Variants in DLL3 observed in about 807,000 individuals in gnomAD.
The protein encoded by DLL3 is delta-like protein 3.
A neutral mutation model predicts 55.0 loss-of-function variants in DLL3; 49 were observed. That is an observed-to-expected ratio of 0.89 (90% CI 0.71 to 1.13). DLL3 has a LOEUF of 1.13. Ranked by LOEUF, DLL3 falls within the 50% of genes most tolerant of loss-of-function variation. The pLI, the probability that DLL3 is intolerant of heterozygous loss-of-function variation, is 0.00. For synonymous variants in DLL3, 421 were observed against 385.2 expected (o/e 1.09, Z -1.09); for missense variants, 962 against 875.5 (o/e 1.10, Z -1.25).
intron 8 of DLL3, 29 bp from the exon 9 acceptor site, chr19:39,508,223 C>G: frequency 6.2e-7 from 1 of 1,614,034 alleles, no homozygotes; most frequent in Non-Finnish European, 8.5e-7. Context: ...GGCAGCCTCT[C>G]TAATGCTTCC....
At chr19:39,508,164 A>G in intron 8 of DLL3, 88 bp from the exon 9 acceptor site, 1 of 1,614,150 alleles carries the variant, frequency 6.2e-7, no homozygotes, top group Non-Finnish European at 8.5e-7. Context: ...CGACTCCGCC[A>G]GAGCTTTTCC....
chr19:39,499,754 C>T (rs1394116084), intron 2 of DLL3, among the ~76,000 whole-genome samples: 2 of 152,106 alleles, frequency 1.3e-5, no homozygotes, highest in Non-Finnish European at 2.9e-5. Flanking sequence ...ACTCAAGGAA[C>T]CCTACCTCTG....
chr19:39,504,331 C>T (rs763080856), intron 5 of DLL3, 43 bp downstream of exon 5: 5 of 1,601,022 alleles, frequency 3.1e-6, no homozygotes, highest in Non-Finnish European at 3.4e-6. Context: ...AGTACTTTAC[C>T]CTGGGAGCCA....
At position 39,507,097 on chromosome 19, in the gene DLL3, G is replaced by C. The variant is rs115456333; in HGVS notation, c.1152G>C (p.Ala384=). Residue 384 remains alanine (A), a synonymous_variant, in exon 7 of 9, where the codon GCG becomes GCC. Transcript: ENST00000356433. ...GCTGCCGCTGCCGCGCCGGCTTCGC[G>C]GGTCCTCGCTGCGAGCACGACCTGG... ...ALRCRCRAGF[A]GPRCEHDLDD... is the part of the protein sequence containing the mutation. 7.8e-6 allele frequency: 12 copies of C among 1,543,402 alleles called. No individual in the cohort carries two copies. The South Asian group carries it at 1.1e-4, about 14-fold the overall frequency.
At chr19:39,499,171 C>A in intron 1 of DLL3, 21 bp from the exon 2 acceptor site, 1 of 1,591,056 alleles carries the variant, frequency 6.3e-7, no homozygotes, top group East Asian at 2.3e-5. Context: ...CCGCCTCACC[C>A]TGCGCCCGTC....
chr19:39,502,214 T>A (rs542541937), intron 3 of DLL3, among the ~76,000 whole-genome samples: 63 of 151,756 alleles, frequency 4.2e-4, no homozygotes, highest in Non-Finnish European at 7.1e-4. Context: ...AAAACAAATA[T>A]CTGGGTCAAA....
Position 39,507,866 on chromosome 19 carries a change from C to T in DLL3, c.1710C>T (p.Asp570=). 1 of 1,614,138 alleles carries T rather than the reference C, an allele frequency of 6.2e-7. No homozygotes were observed. Among genetic ancestry groups the T allele is most frequent in the Non-Finnish European group, 8.5e-7 (1 of 1,180,024 alleles). The stretch of plus-strand genomic sequence containing the variant: ...ATTGGAATCGCCCTGAAGATGTAGA[C>T]CCTCAAGGGATTTATGTCATATCTG... ...SVDWNRPEDV[D]PQGIYVISAP... is the part of the protein sequence containing the mutation. Residue 570 remains aspartate, a synonymous_variant, in exon 8 of 9, where the codon GAC becomes GAT. Coordinates refer to ENST00000356433, the MANE Select transcript of DLL3 (RefSeq NM_203486.3).
rs200982994 is a variant in DLL3 at position 39,508,295 on chromosome 19, A to T, written c.*38A>T. On this transcript the variant is annotated 3_prime_UTR_variant, in exon 9 of 9. Coordinates refer to ENST00000356433, the MANE Select transcript of DLL3 (RefSeq NM_203486.3). ...ATCCGCACCTGGAGTCAGAGCGTGG[A>T]TTTTTGTATTTGCTCGGTGGTGCCC... 3 of 1,612,882 alleles carry T rather than the reference A, an allele frequency of 1.9e-6. No homozygotes were observed. Among genetic ancestry groups the T allele is most frequent in the South Asian group, 1.1e-5 (1 of 91,058 alleles).
chr19:39,503,123 G>A, intron 4 of DLL3, 66 bp downstream of exon 4: 1 of 1,472,138 alleles, frequency 6.8e-7, no homozygotes, highest in African/African-American at 1.4e-5. Flanking sequence ...AGCGTCACTC[G>A]CGGCCCCCAG....
At chr19:39,503,932 A>T in intron 4 of DLL3, 139 bp from the exon 5 acceptor site, 2 of 834,652 alleles carry the variant, frequency 2.4e-6, no homozygotes, top group Non-Finnish European at 3.9e-6. Context: ...AGTACCATCT[A>T]GTCCCGATGA....
At chr19:39,504,679 C>T (rs2079630335) in intron 5 of DLL3, among the ~76,000 whole-genome samples, 1 of 152,094 alleles carries the variant, frequency 6.6e-6, no homozygotes, top group South Asian at 2.1e-4. Context: ...CTGGAGGTGG[C>T]CCGGGGCTGG....
chr19:39,505,635 G>A, intron 6 of DLL3, 184 bp downstream of exon 6: 1 of 634,910 alleles, frequency 1.6e-6, no homozygotes. Context: ...AATATTTACT[G>A]AGAATTTACT....
Position 39,499,254 on chromosome 19 carries a change from G to A in DLL3, c.132G>A (p.Gly44=), listed in dbSNP as rs774585627. The change falls in exon 2 of 9, where the codon GGG becomes GGA. Residue 44 remains glycine (G), a synonymous_variant. Coordinates refer to ENST00000356433, the MANE Select transcript of DLL3 (RefSeq NM_203486.3). ...CTTTCGGGCCGGGTCCAGGCCCTGG[G>A]GCCCCGCGGTCCCCCTGCAGCGCCC... is the stretch of plus-strand genomic sequence containing the variant. The part of the protein sequence containing the change: ...IHSFGPGPGP[G]APRSPCSARL... 2 of 1,544,616 alleles carry A rather than the reference G, an allele frequency of 1.3e-6. No individual in the cohort carries two copies. The highest frequency in any genetic ancestry group is 1.7e-6 in the Non-Finnish European group (2 of 1,149,680).
chr19:39,504,971 A>G (rs930358442), intron 5 of DLL3, among the ~76,000 whole-genome samples: 1 of 152,114 alleles, frequency 6.6e-6, no homozygotes, highest in African/African-American at 2.4e-5. Flanking sequence ...CCAGGCAGGC[A>G]GCATTTGGTA....
Position 39,507,032 on chromosome 19 carries a change from C to T in DLL3, c.1094-7C>T, listed in dbSNP as rs1335628907. 2 of 1,534,404 alleles carry T rather than the reference C, an allele frequency of 1.3e-6. No individual in the cohort carries two copies. The highest frequency in any genetic ancestry group is 1.2e-5 in the South Asian group (1 of 84,088). ...GACTGCGCCCTCTGATGCTCCCTTC[C>T]CCACAGGCGGACTCTGCCTGGACCT... On this transcript the variant is annotated splice_region_variant and splice_polypyrimidine_tract_variant and intron_variant, in intron 6 of 8. Coordinates refer to ENST00000356433, the MANE Select transcript of DLL3 (RefSeq NM_203486.3).
rs2079634932 is a variant in DLL3, at chr19:39,505,445, C to T, written c.1087C>T (p.Arg363Cys). Residue 363 changes from arginine to cysteine, a missense_variant, in exon 6 of 9, where the codon CGC (arginine) becomes TGC (cysteine). Coordinates refer to ENST00000356433, the MANE Select transcript of DLL3 (RefSeq NM_203486.3). ...GGACCGGTGCAGCCTGCAGCCATGC[C>T]GCAATGGTGAGGCCTGGAGGCCTGA... is the stretch of plus-strand genomic sequence containing the variant. ...RVDRCSLQPC[R>C]NGGLCLDLGH... is the part of the protein sequence containing the mutation. 12 of 1,613,994 alleles carry T rather than the reference C, an allele frequency of 7.4e-6. No homozygotes were observed. Among genetic ancestry groups the T allele is most frequent in the South Asian group, 3.3e-5 (3 of 91,070 alleles).
Position 39,507,087 on chromosome 19 carries a change from C to T in DLL3, c.1142C>T (p.Ala381Val). 1 of 1,543,318 alleles carries T rather than the reference C, an allele frequency of 6.5e-7. No homozygotes were observed. Among genetic ancestry groups the T allele is most frequent in the Non-Finnish European group, 8.7e-7 (1 of 1,151,674 alleles). ...LGHALRCRCR[A>V]GFAGPRCEHD... The stretch of plus-strand genomic sequence containing the variant: ...CACGCCCTGCGCTGCCGCTGCCGCG[C>T]CGGCTTCGCGGGTCCTCGCTGCGAG... Residue 381 changes from alanine to valine, a missense_variant, in exon 7 of 9, where the codon GCC becomes GTC. Coordinates refer to ENST00000356433, the MANE Select transcript of DLL3 (RefSeq NM_203486.3).
rs1438740619 is a variant in DLL3 at position 39,507,576 on chromosome 19, T to G, written c.1631T>G (p.Leu544Arg). The G allele has an allele frequency of 6.2e-7, 1 of 1,609,318 alleles. No individual in the cohort carries two copies. Among genetic ancestry groups the G allele is most frequent in the East Asian group, 2.2e-5 (1 of 44,650 alleles). The change falls in exon 7 of 9, where the codon CTC (leucine) becomes CGC (arginine). Residue 544 changes from leucine (L) to arginine (R), a missense_variant. Leu to Arg is a moderately radical substitution (Grantham distance 102, BLOSUM62 -2). Coordinates refer to ENST00000356433, the MANE Select transcript of DLL3 (RefSeq NM_203486.3). ...EPSVHALPDALNNLRTQEGSG... is the reference protein window; with the variant it reads ...EPSVHALPDARNNLRTQEGSG... ...TCAGTCCACGCACTCCCGGATGCAC[T>G]CAACAACCTAAGGACGCAGGAGGGT...
At chr19:39,504,786 G>A (rs1204715100) in intron 5 of DLL3, among the ~76,000 whole-genome samples, 2 of 152,028 alleles carry the variant, frequency 1.3e-5, no homozygotes, top group African/African-American at 4.8e-5. Flanking sequence ...ATGGAGTGCT[G>A]GGATAGAGTA....
Sources: allele counts gnomAD v4.1 joint callset (sites outside exome capture counted in the v4.1 genomes callset), GRCh38; gene constraint gnomAD v4.1.1; transcripts MANE v1.5; gene names NCBI Gene and HGNC (gene_info 2026-07-23, HGNC 2026-07-21).